PLXNC1: variants seen among roughly 807,000 people sequenced by gnomAD.
PLXNC1 encodes the protein plexin C1, also known as plexin-C1.
In PLXNC1, 75 loss-of-function variants were observed where a neutral mutation model predicts 178.2. That is an observed-to-expected ratio of 0.42 (90% CI 0.35 to 0.51). The LOEUF is 0.51. Among genes scored for constraint, PLXNC1 ranks in the 20% least tolerant of loss-of-function variants. PLXNC1 has a pLI of 0.02. For missense variants in PLXNC1, 1,503 were observed against 1,984.4 expected (o/e 0.76, Z 4.61); for synonymous variants, 790 against 779.9 (o/e 1.01, Z -0.22).
At chr12:94,292,819 A>G (rs920144421) in intron 23 of PLXNC1, among the ~76,000 whole-genome samples, 2 of 152,210 alleles carry the variant, frequency 1.3e-5, no homozygotes, top group Non-Finnish European at 2.9e-5. Flanking sequence ...AGCACCCACA[A>G]CGTTTCAGAT....
intron 5 of PLXNC1, among the ~76,000 whole-genome samples, chr12:94,210,884 A>G (rs1263371323): frequency 1.3e-5 from 2 of 152,352 alleles, no homozygotes; most frequent in South Asian, 4.1e-4. Context: ...AATTTCTCTC[A>G]TCAGTCTGAA....
At chr12:94,267,429 C>T (rs916388909) in intron 21 of PLXNC1, among the ~76,000 whole-genome samples, 1 of 152,170 alleles carries the variant, frequency 6.6e-6, no homozygotes, top group Non-Finnish European at 1.5e-5. Context: ...CATAATGTTA[C>T]TTGATGCTGA....
At chr12:94,279,393 T>C (rs1463308700) in intron 21 of PLXNC1, 79 bp from the exon 22 acceptor site, 5 of 1,285,704 alleles carry the variant, frequency 3.9e-6, no homozygotes, top group African/African-American at 1.5e-5. Flanking sequence ...TGGGACTTGC[T>C]AAGGTTTGTG....
Position 94,149,018 on chromosome 12 carries a change from C to G in PLXNC1, c.47C>G (p.Ala16Gly). The change falls in exon 1 of 31, where the codon GCA becomes GGA. Residue 16 changes from alanine (A) to glycine (G), a missense_variant. Ala to Gly is a moderately conservative substitution (Grantham distance 60). Around this residue, in one of 4 missense-constraint regions of PLXNC1, gnomAD observed 176 missense variants for 180.7 expected, o/e 0.97. Coordinates refer to ENST00000258526, the MANE Select transcript of PLXNC1 (RefSeq NM_005761.3). ...GCGCCGCCGCGCCCCCCGCGCCCCG[C>G]AGCGCCACTGCCCCTGCTCGCCTAT... ...RKAPPRPPRP[A>G]APLPLLAYLL... 2 of 1,482,026 alleles carry G rather than the reference C, an allele frequency of 1.3e-6. No individual in the cohort carries two copies. Among genetic ancestry groups the G allele is most frequent in the African/African-American group, 1.5e-5 (1 of 68,606 alleles). The allele number at this position is 1,482,026 out of a possible 1,614,324, so 91.8% of individuals were successfully genotyped here.
chr12:94,297,164 C>A (rs752938324), intron 24 of PLXNC1, 25 bp from the exon 25 acceptor site: 1 of 1,612,884 alleles, frequency 6.2e-7, no homozygotes, highest in Non-Finnish European at 8.5e-7. Context: ...GGACTGCTTT[C>A]TCTCCCTCTT....
At chr12:94,174,918 C>A (rs984172311) in intron 2 of PLXNC1, among the ~76,000 whole-genome samples, 2 of 152,234 alleles carry the variant, frequency 1.3e-5, no homozygotes, top group Admixed American at 6.5e-5. Flanking sequence ...AACTTTTAGT[C>A]CCATATAATC....
chr12:94,177,810 G>A (rs750640016), intron 2 of PLXNC1, among the ~76,000 whole-genome samples: 8 of 152,150 alleles, frequency 5.3e-5, no homozygotes, highest in Non-Finnish European at 7.4e-5. Flanking sequence ...CCTAATTTAC[G>A]TAAAATGGAT....
At chr12:94,290,668 A>G (rs528623449) in intron 23 of PLXNC1, among the ~76,000 whole-genome samples, 160 of 152,376 alleles carry the variant, frequency 1.1e-3, no homozygotes, top group Middle Eastern at 3.4e-3. Context: ...GAAGGAGATT[A>G]GGTTTTAATC....
intron 9 of PLXNC1, among the ~76,000 whole-genome samples, chr12:94,227,878 C>T (rs1483119196): frequency 6.6e-6 from 1 of 152,212 alleles, no homozygotes; most frequent in African/African-American, 2.4e-5. Context: ...TGTGGCTGTG[C>T]TTACAACTTC....
At chr12:94,276,848 A>T (rs952604316) in intron 21 of PLXNC1, 3 of 152,146 alleles carry the variant, frequency 2.0e-5, no homozygotes, top group African/African-American at 7.2e-5. Context: ...GGCCCAGAAC[A>T]TAAAGGTTCT....
chr12:94,251,468 G>T lies in PLXNC1; in HGVS notation c.2821G>T (p.Val941Phe). 1 of 1,613,812 alleles carries T rather than the reference G, an allele frequency of 6.2e-7. No individual in the cohort carries two copies. The highest frequency in any genetic ancestry group is 8.5e-7 in the Non-Finnish European group (1 of 1,179,646). ...GGAGCTCTACGTCGAGCAGGAGTCA[G>T]TTCCTTCCACATGGTATTTTCTGAT... is the stretch of plus-strand genomic sequence containing the variant. ...NLELYVEQES[V>F]PSTWYFLIVL... is the part of the protein sequence containing the mutation. The change falls in exon 15 of 31, where the codon GTT becomes TTT. Residue 941 changes from valine to phenylalanine, a missense_variant. Val to Phe is a conservative substitution (Grantham distance 50). Transcript: ENST00000258526.
chr12:94,249,928 T>TGTGGGGG (rs1555203482), intron 14 of PLXNC1, among the ~76,000 whole-genome samples: 1 of 81,620 alleles, frequency 1.2e-5, no homozygotes, highest in Non-Finnish European at 2.3e-5. Context: ...AAAGCACCAG[T>TGTGGGGG]GTGGGGGGGT....
intron 9 of PLXNC1, 70 bp downstream of exon 9, chr12:94,227,305 A>T: frequency 1.2e-6 from 1 of 859,556 alleles, no homozygotes; most frequent in East Asian, 2.5e-5. Flanking sequence ...AACTCATACT[A>T]CTTTGGGTTC....
intron 23 of PLXNC1, among the ~76,000 whole-genome samples, chr12:94,284,098 A>G (rs984804325): frequency 4.6e-5 from 7 of 151,792 alleles, no homozygotes; most frequent in African/African-American, 1.7e-4. Context: ...AAAAAAAAAA[A>G]AAAAAAAAAA....
rs1281201229 is a variant in PLXNC1, at chr12:94,220,106, A to G, written c.1645A>G (p.Lys549Glu). ...CTCTAGCAGGGAGCTCTGCCAGAAT[A>G]AAAGTCAGCCCAACCGGACCTGCAC... ...VDSSRELCQNKSQPNRTCTCS... is the reference protein window; with the variant it reads ...VDSSRELCQNESQPNRTCTCS... The change falls in exon 6 of 31, where the codon AAA (lysine) becomes GAA (glutamate). Residue 549 changes from lysine (K) to glutamate (E), a missense_variant. Physicochemically the swap from Lys to Glu is moderately conservative, Grantham distance 56 (BLOSUM62 1). Coordinates refer to ENST00000258526, the MANE Select transcript of PLXNC1 (RefSeq NM_005761.3). 3 of 1,614,046 alleles carry G rather than the reference A, an allele frequency of 1.9e-6. No individual in the cohort carries two copies. The highest frequency in any genetic ancestry group is 1.7e-5 in the Admixed American group (1 of 60,010).
intron 4 of PLXNC1, 32 bp downstream of exon 4, chr12:94,186,505 A>G (rs528901082): frequency 3.4e-6 from 5 of 1,468,652 alleles, no homozygotes; most frequent in East Asian, 4.5e-5. Flanking sequence ...ACCAACTCGC[A>G]TTTTTGAAAA....
At chr12:94,266,857 T>C (rs993170515) in intron 21 of PLXNC1, among the ~76,000 whole-genome samples, 2 of 152,252 alleles carry the variant, frequency 1.3e-5, no homozygotes, top group Admixed American at 6.5e-5. Context: ...CCAGATCTCA[T>C]TGAACCCTTG....
chr12:94,256,906 T>G lies in PLXNC1; in HGVS notation c.3087+1610T>G, dbSNP rs540987693. On this transcript the variant is annotated intron_variant, in intron 17 of 30. Coordinates refer to ENST00000258526, the MANE Select transcript of PLXNC1 (RefSeq NM_005761.3). Reference sequence around the variant, plus strand: ...CTACCTTATTTTAGGAGAAGAGAGATAGTTGCAAAGGAGGCAAACTGATTT... The same window carrying G: ...CTACCTTATTTTAGGAGAAGAGAGAGAGTTGCAAAGGAGGCAAACTGATTT... Among the ~76,000 whole-genome samples, 9 of 148,160 alleles carry G rather than the reference T, an allele frequency of 6.1e-5. No homozygotes were observed. The South Asian group carries it at 1.1e-3, about 18-fold the overall frequency.
chr12:94,177,187 G>A (rs1258455674), intron 2 of PLXNC1, among the ~76,000 whole-genome samples: 36 of 107,394 alleles, frequency 3.4e-4, no homozygotes, highest in South Asian at 2.3e-3. Flanking sequence ...GTATATATAT[G>A]TATATATATA....
Sources: allele counts gnomAD v4.1 joint callset (sites outside exome capture counted in the v4.1 genomes callset), GRCh38; gene constraint gnomAD v4.1.1; regional missense constraint gnomAD v4.1.1; transcripts MANE v1.5; gene names NCBI Gene and HGNC (gene_info 2026-07-23, HGNC 2026-07-21).